FADS2: variants seen among roughly 807,000 people sequenced by gnomAD.
FADS2 encodes fatty acid desaturase 2, also known as acyl-CoA 6-desaturase.
A neutral mutation model predicts 61.2 loss-of-function variants in FADS2; 18 were observed. The ratio of observed to expected loss-of-function variants is 0.29; its 90% confidence interval spans 0.20 to 0.44. The LOEUF is 0.44. Ranked by LOEUF, FADS2 falls within the 20% of genes least tolerant of loss-of-function variation. FADS2 has a pLI of 1.00. For missense variants in FADS2, 322 were observed against 572.7 expected (o/e 0.56, Z 4.47); for synonymous variants, 203 against 223.9 (o/e 0.91, Z 0.83).
At chr11:61,857,200 A>G (rs2067367548) in intron 6 of FADS2, 129 bp downstream of exon 6, 1 of 861,692 alleles carries the variant, frequency 1.2e-6, no homozygotes, top group Admixed American at 2.0e-5. Flanking sequence ...AGCGGGGGCC[A>G]CAGCAGCCTT....
At chr11:61,847,978 T>TG in intron 4 of FADS2, 181 bp from the exon 5 acceptor site, 2 of 638,478 alleles carry the variant, frequency 3.1e-6, no homozygotes, top group Admixed American at 5.6e-5. Context: ...TCACTCCATC[T>TG]GGGGCTGGCG....
chr11:61,835,457 G>A (rs1184241459), intron 1 of FADS2, among the ~76,000 whole-genome samples: 1 of 149,356 alleles, frequency 6.7e-6, no homozygotes, highest in Non-Finnish European at 1.5e-5. Flanking sequence ...GCAGTGGCAC[G>A]ATCTCAGCTC....
chr11:61,837,911 G>GTGGGGGTGGAGACGAGGC (rs1565329390), intron 2 of FADS2, 23 bp downstream of exon 2: 2 of 1,565,002 alleles, frequency 1.3e-6, no homozygotes, highest in African/African-American at 2.7e-5. Flanking sequence ...TGCAACCTGG[G>GTGGGGGTGGAGACGAGGC]TGGGGGTGGA....
At chr11:61,859,728 T>A (rs879382839) in intron 7 of FADS2, among the ~76,000 whole-genome samples, 14,923 of 152,194 alleles carry the variant, frequency 0.098, 1,109 homozygotes, top group African/African-American at 0.2. Context: ...CACTCATGCT[T>A]GTTATCCCAG....
At chr11:61,837,385 G>A (rs2067182515) in intron 1 of FADS2, among the ~76,000 whole-genome samples, 1 of 152,192 alleles carries the variant, frequency 6.6e-6, no homozygotes, top group Non-Finnish European at 1.5e-5. Flanking sequence ...GATGGTGGGT[G>A]GTGTGGTTTG....
At chr11:61,827,131 C>T (rs556613941), upstream of FADS2, among the ~76,000 whole-genome samples, 3 of 152,174 alleles carry the variant, frequency 2.0e-5, no homozygotes, top group Non-Finnish European at 2.9e-5. The surrounding 1 kb of genome is among the most constrained non-coding windows in gnomAD (Gnocchi z 4.5). Context: ...AGGCCCATTT[C>T]CCCCAGGACG....
Position 61,866,212 on chromosome 11 carries a change from C to T in FADS2, c.*523C>T. On this transcript the variant is annotated 3_prime_UTR_variant, in exon 12 of 12. Transcript: ENST00000278840. The stretch of plus-strand genomic sequence containing the variant: ...ATTGGTCCACCCTTTCATAGAGAGG[C>T]CTGCTTTGTTACAAAGCTCGGGTCT... 1 of 393,938 alleles carries T rather than the reference C, an allele frequency of 2.5e-6. No individual in the cohort carries two copies. Among genetic ancestry groups the T allele is most frequent in the Non-Finnish European group, 4.5e-6 (1 of 223,564 alleles). 24.4% of individuals were successfully genotyped at this position (393,938 alleles called of 1,614,324 possible).
chr11:61,838,838 A>G (rs1245219348), intron 2 of FADS2, among the ~76,000 whole-genome samples: 1 of 150,866 alleles, frequency 6.6e-6, no homozygotes, highest in East Asian at 1.9e-4. Context: ...CACCTCCAGC[A>G]CCTCCTGGCC....
chr11:61,854,860 T>C (rs1266787247), intron 5 of FADS2: 1 of 152,262 alleles, frequency 6.6e-6, no homozygotes, highest in East Asian at 1.9e-4. Flanking sequence ...GTGACTGTGA[T>C]GAGCATTTTG....
intron 5 of FADS2, among the ~76,000 whole-genome samples, chr11:61,851,025 CT>C (rs558712745): frequency 6.6e-6 from 1 of 152,308 alleles, no homozygotes; most frequent in South Asian, 2.1e-4. Flanking sequence ...CAGTTCTGTA[CT>C]TTGGAAGCCT....
intron 4 of FADS2, among the ~76,000 whole-genome samples, chr11:61,843,589 A>T (rs1361982471): frequency 6.6e-6 from 1 of 152,184 alleles, no homozygotes; most frequent in Non-Finnish European, 1.5e-5. Flanking sequence ...CTAAGGGGAC[A>T]CCAGACAAAT....
intron 4 of FADS2, 24 bp from the exon 5 acceptor site, chr11:61,848,135 A>G: frequency 6.2e-7 from 1 of 1,613,910 alleles, no homozygotes; most frequent in Non-Finnish European, 8.5e-7. Context: ...TGCATGGCTC[A>G]TCCCCACCCC....
chr11:61,817,516 C>T (rs528927462), intron 1 of FADS2, among the ~76,000 whole-genome samples: 12 of 152,284 alleles, frequency 7.9e-5, no homozygotes, highest in Admixed American at 2.6e-4. Flanking sequence ...TTTTATAACC[C>T]TGTTTGCCTC....
chr11:61,836,286 T>G (rs1417453129), intron 1 of FADS2, among the ~76,000 whole-genome samples: 1 of 152,078 alleles, frequency 6.6e-6, no homozygotes, highest in African/African-American at 2.4e-5. Flanking sequence ...TCAGTAGAGG[T>G]GGGATTTCAC....
upstream of FADS2, among the ~76,000 whole-genome samples, chr11:61,824,121 C>T (rs2067051161): frequency 6.6e-6 from 1 of 151,846 alleles, no homozygotes; most frequent in African/African-American, 2.4e-5. Flanking sequence ...GTGGCTTATG[C>T]CTGTAATCCC....
At chr11:61,849,081 G>T (rs1332340161) in intron 5 of FADS2, among the ~76,000 whole-genome samples, 2 of 152,106 alleles carry the variant, frequency 1.3e-5, no homozygotes, top group Non-Finnish European at 2.9e-5. Context: ...TGTATTTTTA[G>T]TAGAGACAGG....
At chr11:61,863,606 C>T (rs1360654517) in intron 9 of FADS2, 101 bp from the exon 10 acceptor site, 2 of 991,368 alleles carry the variant, frequency 2.0e-6, no homozygotes, top group East Asian at 2.5e-5. Context: ...ATGATGTGGA[C>T]GGGTGGCCTG....
At chr11:61,835,854 G>A (rs768394809) in intron 1 of FADS2, among the ~76,000 whole-genome samples, 5 of 152,056 alleles carry the variant, frequency 3.3e-5, no homozygotes, top group Admixed American at 1.3e-4. Flanking sequence ...AATAAGCTGC[G>A]TCATTGTGTG....
chr11:61,861,371 A>AAAAAAAAC (rs1555078396), intron 7 of FADS2, among the ~76,000 whole-genome samples: 16 of 106,524 alleles, frequency 1.5e-4, no homozygotes, highest in South Asian at 2.5e-4. Context: ...AAAAAAAAAA[A>AAAAAAAAC]CAGAAATTAG....
Sources: allele counts gnomAD v4.1 joint callset (sites outside exome capture counted in the v4.1 genomes callset), GRCh38; gene constraint gnomAD v4.1.1; non-coding constraint Gnocchi (gnomAD v3.1); transcripts MANE v1.5; gene names NCBI Gene and HGNC (gene_info 2026-07-23, HGNC 2026-07-21).